The following OSBPL2 variants were observed in gnomAD, a reference collection of about 807,000 sequenced individuals.
OSBPL2 encodes the protein oxysterol binding protein like 2.
A neutral mutation model predicts 58.4 loss-of-function variants in OSBPL2; 18 were observed. The ratio of observed to expected loss-of-function variants is 0.31; its 90% CI spans 0.21 to 0.46. OSBPL2 has a LOEUF of 0.46. Ranked by LOEUF, OSBPL2 falls within the 20% of genes least tolerant of loss-of-function variation. OSBPL2 has a pLI of 1.00. For missense variants in OSBPL2, 461 were observed against 616.5 expected (o/e 0.75, Z 2.67); for synonymous variants, 221 against 234.1 (o/e 0.94, Z 0.51).
intron 4 of OSBPL2, among the ~76,000 whole-genome samples, chr20:62,270,987 C>T (rs920247999): frequency 1.4e-4 from 20 of 145,970 alleles, no homozygotes; most frequent in Non-Finnish European, 1.8e-4. Context: ...GGGTCCTCTC[C>T]TTGTCCCTCT....
Position 62,269,522 on chromosome 20 carries a change from TCTCTC to T in OSBPL2, c.259-2595_259-2591del, listed in dbSNP as rs1981914071. On this transcript the variant is annotated intron_variant, in intron 4 of 13. Transcript: ENST00000313733. This position sits in a 1 kb window ranked among gnomAD's most constrained non-coding sequence, Gnocchi z 4.2. ...GGAGTTGCACACAGTTGCGATACCATCTCTCCTCTCCTGAGCAAGGCAGCGTCTCC... is the reference window on the plus strand; with the variant it reads ...GGAGTTGCACACAGTTGCGATACCATCTCTCCTGAGCAAGGCAGCGTCTCC... Among the ~76,000 whole-genome samples, 1 of 152,178 alleles carries T rather than the reference TCTCTC, an allele frequency of 6.6e-6. No individual in the cohort carries two copies. Among genetic ancestry groups the T allele is most frequent in the South Asian group, 2.1e-4 (1 of 4,818 alleles).
At chr20:62,252,332 C>T (rs1052898534) in intron 1 of OSBPL2, among the ~76,000 whole-genome samples, 1 of 152,158 alleles carries the variant, frequency 6.6e-6, no homozygotes, top group Non-Finnish European at 1.5e-5. Context: ...CTTCCCTCTC[C>T]TTCTCTCTTT....
chr20:62,291,240 T>TTCTCATGCTTTGTAG, intron 12 of OSBPL2: 2 of 133,202 alleles, frequency 1.5e-5, no homozygotes, highest in Non-Finnish European at 3.3e-5. Flanking sequence ...ATGCTTTGTA[T>TTCTCATGCTTTGTAG]TCAGAATGTG....
At chr20:62,267,249 A>T (rs1981739571) in intron 4 of OSBPL2, among the ~76,000 whole-genome samples, 1 of 152,134 alleles carries the variant, frequency 6.6e-6, no homozygotes, top group Non-Finnish European at 1.5e-5. Flanking sequence ...TGTCTCTAAC[A>T]AACAAACAAA....
Position 62,263,704 on chromosome 20 carries a change from G to T in OSBPL2, c.258+13G>T, listed in dbSNP as rs771104869. ...GTGTGTTGGCCTGGTGAGTCCGGGG[G>T]CCCGTGTTCACACATGGGGCTGCAC... On this transcript the variant is annotated intron_variant, in intron 4 of 13. Coordinates refer to ENST00000313733, the MANE Select transcript of OSBPL2 (RefSeq NM_144498.4). The T allele has an allele frequency of 6.2e-7, 1 of 1,611,402 alleles. No homozygotes were observed. The highest frequency in any genetic ancestry group is 2.2e-5 in the East Asian group (1 of 44,872).
intron 11 of OSBPL2, among the ~76,000 whole-genome samples, 191 bp from the exon 12 acceptor site, chr20:62,289,016 G>C (rs1203807112): frequency 1.3e-5 from 2 of 152,204 alleles, no homozygotes; most frequent in Non-Finnish European, 2.9e-5. Context: ...TACAGCCGCA[G>C]TGCATGATAC....
In OSBPL2 at chr20:62,256,062, C is replaced by T; in HGVS notation, c.-123C>T. ...CAAAATTTTTTTCCCTTTAGATCTT[C>T]AGTGTCTATTGGATTTTTCCAAGAG... On this transcript the variant is annotated 5_prime_UTR_variant, in exon 2 of 14. Coordinates refer to ENST00000313733, the MANE Select transcript of OSBPL2 (RefSeq NM_144498.4). 8.5e-7 allele frequency: 1 copy of T among 1,175,508 alleles called. No individual in the cohort carries two copies. The highest frequency in any genetic ancestry group is 1.2e-6 in the Non-Finnish European group (1 of 836,674). 72.8% of individuals were successfully genotyped at this position (1,175,508 alleles called of 1,614,324 possible).
chr20:62,240,277 C>T (rs1409697993), intron 1 of OSBPL2, among the ~76,000 whole-genome samples: 1 of 152,218 alleles, frequency 6.6e-6, no homozygotes, highest in Non-Finnish European at 1.5e-5. Context: ...CCAGTGCCTG[C>T]CACAGTGTCG....
chr20:62,248,481 G>C (rs1218242339), intron 1 of OSBPL2, among the ~76,000 whole-genome samples: 1 of 152,088 alleles, frequency 6.6e-6, no homozygotes, highest in Non-Finnish European at 1.5e-5. Flanking sequence ...TAGAATTGAT[G>C]TTTAACCTCA....
In OSBPL2 at chr20:62,293,895, G is replaced by T. The variant is rs1983694336; in HGVS notation, c.*8G>T. The T allele has an allele frequency of 6.2e-7, 1 of 1,613,094 alleles. No homozygotes were observed. The highest frequency in any genetic ancestry group is 1.7e-5 in the Admixed American group (1 of 59,874). Reference sequence around the variant, plus strand: ...TGCCCAGATATCTACTGAGGGCCTGGAGGGGCCTGGGGCCCGGGACCGGAG... The same window carrying T: ...TGCCCAGATATCTACTGAGGGCCTGTAGGGGCCTGGGGCCCGGGACCGGAG... On this transcript the variant is annotated 3_prime_UTR_variant, in exon 14 of 14. Coordinates refer to ENST00000313733, the MANE Select transcript of OSBPL2 (RefSeq NM_144498.4).
chr20:62,277,997 G>A (rs1982495253), intron 6 of OSBPL2, among the ~76,000 whole-genome samples: 1 of 152,172 alleles, frequency 6.6e-6, no homozygotes, highest in Non-Finnish European at 1.5e-5. Context: ...TGGGCAATGG[G>A]AGTCCCTCGG....
rs200426826 is a variant in OSBPL2, at chr20:62,284,089, T to C, written c.916T>C (p.Leu306=). 5.0e-6 allele frequency: 8 copies of C among 1,613,972 alleles called. No individual in the cohort carries two copies. The highest frequency in any genetic ancestry group is 1.7e-5 in the Admixed American group (1 of 60,010). The part of the protein sequence containing the change: ...FMIYGKWTEC[L]WGIDPVSYES... ...GATCTATGGCAAATGGACGGAATGT[T>C]TGTGGGGCATAGATCCTGTTTCGTA... The change falls in exon 10 of 14, where the codon TTG becomes CTG. Residue 306 remains leucine (L), a synonymous_variant. Coordinates refer to ENST00000313733, the MANE Select transcript of OSBPL2 (RefSeq NM_144498.4).
At chr20:62,257,157 G>A (rs1318416300) in intron 2 of OSBPL2, among the ~76,000 whole-genome samples, 2 of 152,202 alleles carry the variant, frequency 1.3e-5, no homozygotes, top group Admixed American at 6.5e-5. Flanking sequence ...CCAAGGACAC[G>A]GCGATGGCTC....
chr20:62,244,316 C>T (rs7274185), intron 1 of OSBPL2, among the ~76,000 whole-genome samples: 2,344 of 152,312 alleles, frequency 0.015, 58 homozygotes, highest in African/African-American at 0.052. Flanking sequence ...TAGCTGCAGC[C>T]GCAGGCTGGG....
At chr20:62,274,791 C>T (rs537436495) in intron 6 of OSBPL2, among the ~76,000 whole-genome samples, 48 of 152,366 alleles carry the variant, frequency 3.2e-4, no homozygotes, top group African/African-American at 1.1e-3. Context: ...CCACAGGCTG[C>T]TGGGCTGCAC....
chr20:62,250,151 C>T (rs1980427476), intron 1 of OSBPL2, among the ~76,000 whole-genome samples: 1 of 152,256 alleles, frequency 6.6e-6, no homozygotes, highest in African/African-American at 2.4e-5. Flanking sequence ...AGGCCTGGCA[C>T]CAGGTAGGCT....
intron 3 of OSBPL2, 57 bp downstream of exon 3, chr20:62,260,182 C>G: frequency 2.6e-6 from 4 of 1,543,760 alleles, no homozygotes; most frequent in Non-Finnish European, 3.6e-6. Flanking sequence ...CCCAAAAATA[C>G]TCTGCAGGGT....
At chr20:62,292,649 T>A (rs1320508391) in intron 13 of OSBPL2, among the ~76,000 whole-genome samples, 1 of 152,182 alleles carries the variant, frequency 6.6e-6, no homozygotes, top group Admixed American at 6.5e-5. Context: ...GTTAGAAAAA[T>A]CTTTGGGTGT....
chr20:62,246,439 TAGTTA>T (rs1980119733), intron 1 of OSBPL2, among the ~76,000 whole-genome samples: 2 of 152,244 alleles, frequency 1.3e-5, no homozygotes, highest in Admixed American at 1.3e-4. Context: ...GTCTTTGTTT[TAGTTA>T]AGTTTTGTTT....
Sources: gnomAD v4.1 joint callset for allele counts (sites outside exome capture counted in the v4.1 genomes callset) on GRCh38, gnomAD v4.1.1 for gene constraint, Gnocchi (gnomAD v3.1) non-coding constraint, MANE v1.5 for transcripts, NCBI Gene and HGNC (gene_info 2026-07-23, HGNC 2026-07-21) for gene names.